Variants in UMAD1 observed in about 807,000 individuals in gnomAD.
The protein encoded by UMAD1 is UBAP1-MVB12-associated (UMA)-domain containing protein 1.
A neutral mutation model predicts 6.1 loss-of-function variants in UMAD1; 8 were observed. That is an observed-to-expected ratio of 1.30 (90% CI 0.76 to 2.35). The LOEUF is 2.35. Among genes scored for constraint, UMAD1 ranks in the 30% most tolerant of loss-of-function variants. The pLI is 0.00. For synonymous variants in UMAD1, 56 were observed against 31.4 expected, an observed-to-expected ratio of 1.78 and a Z score of -2.61; for missense variants, 130 against 78.4, an observed-to-expected ratio of 1.66 and a Z score of -2.49.
In UMAD1 at chr7:7,827,139, A is replaced by ATGTGTG. The variant is rs1262642122; in HGVS notation, c.156+25397_156+25398insGTGTGT. The stretch of plus-strand genomic sequence containing the variant: ...CAGTCCAGGATATATATATATATAT[A>ATGTGTG]TATATATATGTGTGTGTGTGTGTGT... On this transcript the variant is annotated intron_variant, in intron 3 of 3. Coordinates refer to ENST00000682710, the MANE Select transcript of UMAD1 (RefSeq NM_001302348.2). Among the ~76,000 whole-genome samples the ATGTGTG allele has an allele frequency of 3.6e-3, 484 of 133,994 alleles. 2 individuals are homozygous for ATGTGTG. Among genetic ancestry groups the ATGTGTG allele is most frequent in the African/African-American group, 0.011 (386 of 34,494 alleles). The allele number at this position is 133,994 out of a possible 152,430, so 87.9% of individuals were successfully genotyped here.
At chr7:7,867,166 G>A (rs1234697312) in intron 3 of UMAD1, among the ~76,000 whole-genome samples, 1 of 152,152 alleles carries the variant, frequency 6.6e-6, no homozygotes, top group East Asian at 1.9e-4. Context: ...TAAGCTAAGA[G>A]CCAGGTTTAA....
At chr7:7,671,572 A>G (rs972290697) in intron 1 of UMAD1, among the ~76,000 whole-genome samples, 5 of 152,204 alleles carry the variant, frequency 3.3e-5, no homozygotes, top group African/African-American at 1.2e-4. Flanking sequence ...CCAATTGTGT[A>G]AGTCGTTTAA....
chr7:7,873,038 T>G (rs1784358992), intron 3 of UMAD1, among the ~76,000 whole-genome samples: 1 of 152,252 alleles, frequency 6.6e-6, no homozygotes, highest in African/African-American at 2.4e-5. Flanking sequence ...ATTCACTTAC[T>G]TTAACCTGTG....
In UMAD1 at chr7:7,673,695, A is replaced by C. The variant is rs1779668840; in HGVS notation, c.82+242A>C. On this transcript the variant is annotated intron_variant, in intron 2 of 3. Coordinates refer to ENST00000682710, the MANE Select transcript of UMAD1 (RefSeq NM_001302348.2). ...TTCTCCAAGTTAAATGTGTAAAATC[A>C]CTTCTTTTTCCCCCCCTTTTTTTTT... 2.5e-5 allele frequency among the ~76,000 whole-genome samples: 3 copies of C among 118,164 alleles called. No individual in the cohort carries two copies. In the South Asian group the frequency reaches 8.6e-4, roughly 34 times the overall value. 77.5% of individuals were successfully genotyped at this position (118,164 alleles called of 152,430 possible). A position where few individuals can be genotyped will look rare whatever the true frequency, so the allele number is the denominator to read the frequency against.
chr7:7,740,748 T>C (rs1450584077), intron 2 of UMAD1: 2 of 152,232 alleles, frequency 1.3e-5, no homozygotes, highest in East Asian at 1.9e-4. Context: ...CCAGCATCTG[T>C]TTATGTCTTG....
At chr7:7,642,249 C>G (rs1393917061) in intron 1 of UMAD1, among the ~76,000 whole-genome samples, 1 of 142,248 alleles carries the variant, frequency 7.0e-6, no homozygotes, top group Admixed American at 6.9e-5. Context: ...ATCCTCTCAC[C>G]TCAGCCTGCC....
intron 3 of UMAD1, among the ~76,000 whole-genome samples, chr7:7,867,006 T>C (rs754813617): frequency 1.8e-4 from 28 of 152,138 alleles, no homozygotes; most frequent in Non-Finnish European, 3.5e-4. Context: ...CAGTGATTTA[T>C]TGCATGGAGG....
At chr7:7,796,244 CTTTTTTTTTTTT>C (rs59221325) in intron 2 of UMAD1, among the ~76,000 whole-genome samples, 4 of 63,950 alleles carry the variant, frequency 6.3e-5, no homozygotes, top group Admixed American at 2.0e-4. Context: ...TATTTTCTTT[CTTTTTTTTTTTT>C]TTTTTTTTTT....
At position 7,645,817 on chromosome 7, in the gene UMAD1, A is replaced by ATTT. The variant is rs34158584; in HGVS notation, c.-64+5007_-64+5009dup. Among the ~76,000 whole-genome samples, 449 of 145,494 alleles carry ATTT rather than the reference A, an allele frequency of 3.1e-3. 1 individual carries two copies. Among genetic ancestry groups the ATTT allele is most frequent in the African/African-American group, 9.6e-3 (381 of 39,836 alleles). ...TGATTTGCTGTTGTTTTTGTTTAGG[A>ATTT]TTTTTTTTTTTTTAATCTATGTTCA... On this transcript the variant is annotated intron_variant, in intron 1 of 3. Coordinates refer to ENST00000682710, the MANE Select transcript of UMAD1 (RefSeq NM_001302348.2).
intron 2 of UMAD1, among the ~76,000 whole-genome samples, chr7:7,719,033 G>A (rs896453626): frequency 2.6e-5 from 4 of 151,982 alleles, no homozygotes; most frequent in African/African-American, 7.3e-5. Context: ...AAACATATGA[G>A]TATTTTTGGA....
rs182380818 is a variant in UMAD1, at chr7:7,755,057, C to T, written c.83-46613C>T. ...TGTCACTCCTTTGTTCACAACCCTTCGGTGGCTTCAAATCTATCTCAAAAC... is the reference window on the plus strand; with the variant it reads ...TGTCACTCCTTTGTTCACAACCCTTTGGTGGCTTCAAATCTATCTCAAAAC... On this transcript the variant is annotated intron_variant, in intron 2 of 3. Coordinates refer to ENST00000682710, the MANE Select transcript of UMAD1 (RefSeq NM_001302348.2). Among the ~76,000 whole-genome samples the T allele has an allele frequency of 6.6e-4, 100 of 152,276 alleles. 1 individual carries two copies. The East Asian group carries it at 0.013, about 20-fold the overall frequency.
chr7:7,654,876 C>G (rs1416917989), intron 1 of UMAD1, among the ~76,000 whole-genome samples: 1 of 145,288 alleles, frequency 6.9e-6, no homozygotes, highest in Non-Finnish European at 1.5e-5. Context: ...GTAACCCAGC[C>G]TGAGTGACAG....
chr7:7,747,620 G>A (rs1781597331), intron 2 of UMAD1, among the ~76,000 whole-genome samples: 1 of 152,202 alleles, frequency 6.6e-6, no homozygotes, highest in East Asian at 1.9e-4. Context: ...AAACTGCCGA[G>A]AAGGCTGCCA....
At chr7:7,651,528 G>A (rs1340605105) in intron 1 of UMAD1, among the ~76,000 whole-genome samples, 1 of 152,140 alleles carries the variant, frequency 6.6e-6, no homozygotes, top group Non-Finnish European at 1.5e-5. Context: ...TTTTCCCTAT[G>A]GCCATTGCTT....
intron 2 of UMAD1, among the ~76,000 whole-genome samples, chr7:7,701,476 C>T (rs1780460992): frequency 1.3e-5 from 2 of 152,198 alleles, no homozygotes; most frequent in African/African-American, 4.8e-5. Flanking sequence ...TTGCTAGAGA[C>T]TTTCTCAGTG....
At chr7:7,754,563 C>T (rs143667980) in intron 2 of UMAD1, among the ~76,000 whole-genome samples, 2 of 152,244 alleles carry the variant, frequency 1.3e-5, no homozygotes, top group South Asian at 2.1e-4. Flanking sequence ...TTCAGATCTG[C>T]TTTGTTCAGT....
chr7:7,661,654 T>C (rs2115091100), intron 1 of UMAD1, among the ~76,000 whole-genome samples: 1 of 152,284 alleles, frequency 6.6e-6, no homozygotes, highest in South Asian at 2.1e-4. Context: ...ACAGCAAAGA[T>C]TGTTGCCCGT....
intron 1 of UMAD1, among the ~76,000 whole-genome samples, chr7:7,669,783 G>A (rs139595734): frequency 1.3e-5 from 2 of 152,098 alleles, no homozygotes; most frequent in Non-Finnish European, 2.9e-5. Context: ...TAATAATTTC[G>A]GAACTGTCTG....
intron 3 of UMAD1, among the ~76,000 whole-genome samples, chr7:7,804,201 A>G (rs930349709): frequency 5.3e-5 from 8 of 152,334 alleles, no homozygotes; most frequent in Admixed American, 4.6e-4. Flanking sequence ...ACTAATGTAG[A>G]AAAAAAGAAA....
Sources: gnomAD v4.1 joint callset for allele counts (sites outside exome capture counted in the v4.1 genomes callset) on GRCh38, gnomAD v4.1.1 for gene constraint, MANE v1.5 for transcripts, NCBI Gene and HGNC (gene_info 2026-07-23, HGNC 2026-07-21) for gene names.